Variants in ARMC9 observed in about 807,000 individuals in gnomAD.
ARMC9 encodes lisH domain-containing protein ARMC9.
ARMC9 carries 94 observed loss-of-function variants against 107.0 expected under a neutral mutation model. That is an observed-to-expected ratio of 0.88 (90% CI 0.74 to 1.04). The LOEUF is 1.04. Ranked by LOEUF, ARMC9 falls within the 50% of genes least tolerant of loss-of-function variation. The probability of loss-of-function intolerance (pLI) is 0.00; values close to 1 mark genes in which losing one functional copy is unlikely to be tolerated. For missense variants in ARMC9, 942 were observed against 1,030.1 expected, an observed-to-expected ratio of 0.91 and a Z score of 1.17; for synonymous variants, 380 against 396.9, an observed-to-expected ratio of 0.96 and a Z score of 0.51.
chr2:231,325,958 G>C (rs777843921), intron 19 of ARMC9, among the ~76,000 whole-genome samples: 2 of 152,168 alleles, frequency 1.3e-5, no homozygotes, highest in Non-Finnish European at 2.9e-5. Context: ...GCCCTGGGTG[G>C]GGCAAGAGTG....
chr2:231,212,225 T>C lies in ARMC9; in HGVS notation c.178-2606T>C, dbSNP rs765338305. Among the ~76,000 whole-genome samples, 46 of 152,370 alleles carry C rather than the reference T, an allele frequency of 3.0e-4. 1 individual carries two copies. Among genetic ancestry groups the C allele is most frequent in the Admixed American group, 1.4e-3 (21 of 15,304 alleles). ...ACACATTTTCTCATCTTGTTGATTC[T>C]GCTTTGATCATGGTTTATAGAACAT... On this transcript the variant is annotated intron_variant, in intron 3 of 24. Transcript: ENST00000611582.
At chr2:231,273,224 C>A in intron 14 of ARMC9, 146 bp downstream of exon 14, 1 of 1,115,602 alleles carries the variant, frequency 9.0e-7, no homozygotes, top group Non-Finnish European at 1.3e-6. Context: ...GAAAGCTTAT[C>A]TGTAATCCAC....
At chr2:231,293,197 T>C (rs1028444280) in intron 18 of ARMC9, among the ~76,000 whole-genome samples, 1 of 152,212 alleles carries the variant, frequency 6.6e-6, no homozygotes, top group African/African-American at 2.4e-5. Flanking sequence ...ATTAGAACTT[T>C]ATTTTTTGCA....
intron 16 of ARMC9, among the ~76,000 whole-genome samples, chr2:231,280,720 C>T (rs373298441): frequency 2.0e-5 from 3 of 152,082 alleles, no homozygotes; most frequent in South Asian, 2.1e-4. Context: ...GGAAAAGTTG[C>T]ATCACATGTG....
chr2:231,348,251 G>T (rs1455497880), intron 21 of ARMC9, among the ~76,000 whole-genome samples: 1 of 152,226 alleles, frequency 6.6e-6, no homozygotes, highest in Non-Finnish European at 1.5e-5. Context: ...AGAAACAAAA[G>T]GAGGTGTGAC....
At chr2:231,268,156 A>T (rs2039014422) in intron 12 of ARMC9, among the ~76,000 whole-genome samples, 1 of 152,244 alleles carries the variant, frequency 6.6e-6, no homozygotes, top group African/African-American at 2.4e-5. Flanking sequence ...GCCAAGTAAC[A>T]TGAATCTATG....
chr2:231,335,604 G>A (rs915111175), intron 20 of ARMC9, among the ~76,000 whole-genome samples: 11 of 152,184 alleles, frequency 7.2e-5, no homozygotes, highest in East Asian at 5.8e-4. Flanking sequence ...CAAGGCTTGC[G>A]GGAGAGTAGC....
chr2:231,356,465 AG>A (rs2045349167), intron 22 of ARMC9, among the ~76,000 whole-genome samples: 1 of 152,218 alleles, frequency 6.6e-6, no homozygotes, highest in Non-Finnish European at 1.5e-5. Flanking sequence ...AAATGTACAA[AG>A]TATTTTTTTT....
chr2:231,326,971 C>G (rs1429472476), intron 19 of ARMC9, among the ~76,000 whole-genome samples: 1 of 152,144 alleles, frequency 6.6e-6, no homozygotes, highest in Non-Finnish European at 1.5e-5. Context: ...AGATGATGGC[C>G]TGCCCTCCCC....
chr2:231,251,778 C>T (rs1968673), intron 9 of ARMC9, among the ~76,000 whole-genome samples: 19,441 of 152,012 alleles, frequency 0.13, 2,523 homozygotes, highest in African/African-American at 0.32. Flanking sequence ...AAGGCTGCAC[C>T]GCAGTGGTAC....
At chr2:231,296,509 T>G (rs1386708127) in intron 19 of ARMC9, among the ~76,000 whole-genome samples, 1 of 152,232 alleles carries the variant, frequency 6.6e-6, no homozygotes, top group Non-Finnish European at 1.5e-5. Flanking sequence ...TTGCATGTCA[T>G]TCGAGTTTCA....
rs80220701 is a variant in ARMC9 at position 231,336,774 on chromosome 2, G to A, written c.1878+4877G>A. On this transcript the variant is annotated intron_variant, in intron 20 of 24. Coordinates refer to ENST00000611582, the MANE Select transcript of ARMC9 (RefSeq NM_001352754.2). ...CTGTGGCAGTGCCCCAGGAGTGTGC[G>A]TTTTTATTTTCCCCTAAAGTGGTTC... Among the ~76,000 whole-genome samples the A allele has an allele frequency of 2.0e-4, 30 of 152,322 alleles. No homozygotes were observed. The East Asian group carries it at 3.7e-3, about 19-fold the overall frequency.
chr2:231,348,571 A>C (rs999231791), intron 21 of ARMC9, among the ~76,000 whole-genome samples: 2 of 152,256 alleles, frequency 1.3e-5, no homozygotes, highest in Non-Finnish European at 2.9e-5. Context: ...AACCAAAGCA[A>C]AAATGAACAA....
intron 10 of ARMC9, among the ~76,000 whole-genome samples, chr2:231,257,825 A>G (rs1328697344): frequency 6.6e-6 from 1 of 152,230 alleles, no homozygotes; most frequent in Non-Finnish European, 1.5e-5. Context: ...AGTACTGTGA[A>G]CTAGACTGCA....
chr2:231,266,515 A>G (rs2038871567), intron 12 of ARMC9, among the ~76,000 whole-genome samples: 1 of 152,166 alleles, frequency 6.6e-6, no homozygotes, highest in Non-Finnish European at 1.5e-5. Flanking sequence ...CACATTCATA[A>G]TGTGCAACCA....
At chr2:231,294,148 TA>T (rs2041204992) in intron 18 of ARMC9, 1 of 152,284 alleles carries the variant, frequency 6.6e-6, no homozygotes, top group African/African-American at 2.4e-5. Flanking sequence ...GGTCTTCAAG[TA>T]TTAAAATTCA....
Position 231,208,186 on chromosome 2 carries a change from A to T in ARMC9, c.111A>T (p.Ile37=), listed in dbSNP as rs1246052433. 1 of 1,609,484 alleles carries T rather than the reference A, an allele frequency of 6.2e-7. No homozygotes were observed. The highest frequency in any genetic ancestry group is 1.3e-5 in the African/African-American group (1 of 74,732). Residue 37 remains isoleucine (I), a synonymous_variant, in exon 3 of 25, where the codon ATA becomes ATT. Coordinates refer to ENST00000611582, the MANE Select transcript of ARMC9 (RefSeq NM_001352754.2). ...AAACATTTTCAAAAGAATGCAAAATAAAAGGAAAACCATTGTGTAAAACAG... is the reference window on the plus strand; with the variant it reads ...AAACATTTTCAAAAGAATGCAAAATTAAAGGAAAACCATTGTGTAAAACAG... The part of the protein sequence containing the change: ...TLKTFSKECK[I]KGKPLCKTVG...
At chr2:231,307,071 G>T (rs187285886) in intron 19 of ARMC9, among the ~76,000 whole-genome samples, 10 of 152,212 alleles carry the variant, frequency 6.6e-5, no homozygotes, top group Admixed American at 2.6e-4. Flanking sequence ...CCTTTCCCTT[G>T]CCCTGGTGTT....
chr2:231,237,781 A>ATTT (rs142285288), intron 8 of ARMC9, among the ~76,000 whole-genome samples: 1 of 26,964 alleles, frequency 3.7e-5, no homozygotes, highest in Non-Finnish European at 7.1e-5. Context: ...ATATATATAT[A>ATTT]TTTTTTTTTT....
Sources: gnomAD v4.1 joint callset for allele counts (sites outside exome capture counted in the v4.1 genomes callset) on GRCh38, gnomAD v4.1.1 for gene constraint, MANE v1.5 for transcripts, NCBI Gene and HGNC (gene_info 2026-07-23, HGNC 2026-07-21) for gene names.